Variants in VPS37A observed in about 807,000 individuals in gnomAD.
The protein encoded by VPS37A is VPS37A subunit of ESCRT-I.
A neutral mutation model predicts 49.8 loss-of-function variants in VPS37A; 30 were observed. The observed-to-expected ratio is 0.60, with a 90% CI of 0.45 to 0.82. The LOEUF (loss-of-function observed/expected upper bound fraction) is 0.82, where lower values mean the gene tolerates loss of function less well. VPS37A is among the 40% of genes least tolerant of loss of function. The pLI is 0.00. For synonymous variants in VPS37A, 195 were observed against 160.6 expected (o/e 1.21, Z -1.62); for missense variants, 593 against 464.4 (o/e 1.28, Z -2.55).
chr8:17,333,061 TG>T, the VPS37A span, among the ~76,000 whole-genome samples: 6 of 152,094 alleles, frequency 3.9e-5, no homozygotes, highest in African/African-American at 1.4e-4. Context: ...GATAAGCCAT[TG>T]CCATAGGAGC....
rs148452954 is a variant in VPS37A, at chr8:17,263,577, G to A, written c.126-2330G>A. Among the ~76,000 whole-genome samples the A allele has an allele frequency of 2.6e-5, 4 of 152,116 alleles. No individual in the cohort carries two copies. The East Asian group carries it at 7.7e-4, about 29-fold the overall frequency. The stretch of plus-strand genomic sequence containing the variant: ...CAGTATAACTGGAGAAAATGAATTG[G>A]ACATTTCTAACCAATTATTTAGATA... On this transcript the variant is annotated intron_variant, in intron 1 of 11. Coordinates refer to ENST00000324849, the MANE Select transcript of VPS37A (RefSeq NM_152415.3).
chr8:17,299,062 C>G (rs543974075), downstream of VPS37A: 3 of 152,248 alleles, frequency 2.0e-5, no homozygotes. Flanking sequence ...CCCACACTGT[C>G]GGTAGTGTAG....
chr8:17,247,111 GA>G lies in VPS37A; in HGVS notation c.-132del, dbSNP rs1811290000. 1 of 1,202,726 alleles carries G rather than the reference GA, an allele frequency of 8.3e-7. No homozygotes were observed. The highest frequency in any genetic ancestry group is 2.3e-5 in the Admixed American group (1 of 44,434). The allele number at this position is 1,202,726 out of a possible 1,614,324, so 74.5% of individuals were successfully genotyped here. A position where few individuals can be genotyped will look rare whatever the true frequency, so the allele number is the denominator to read the frequency against. On this transcript the variant is annotated 5_prime_UTR_variant, in exon 1 of 12. Transcript: ENST00000324849. ...GGAGCGCAGGCAGGACAGGCTTAGA[GA>G]AGACGCGGTCCCCAGCGCTTGGGCC...
At chr8:17,309,081 C>T in the VPS37A span, among the ~76,000 whole-genome samples, 5 of 152,186 alleles carry the variant, frequency 3.3e-5, no homozygotes, top group African/African-American at 1.2e-4. Flanking sequence ...TTAGTTAGTT[C>T]TGCCCAACTG....
At chr8:17,278,499 C>G (rs1814738059) in intron 6 of VPS37A, among the ~76,000 whole-genome samples, 1 of 152,022 alleles carries the variant, frequency 6.6e-6, no homozygotes, top group Non-Finnish European at 1.5e-5. Context: ...CTATCTGTCT[C>G]CAAAAGTTGC....
Position 17,297,252 on chromosome 8 carries a change from A to AAAAT in VPS37A, c.*2268_*2271dup, listed in dbSNP as rs1455865626. On this transcript the variant is annotated 3_prime_UTR_variant, in exon 12 of 12. Transcript: ENST00000324849. ...GTAGAGATTTAAAGGTTAATATCTT[A>AAAAT]AAATAGAAGAAAATTCTAAATCAAT... 6.6e-6 allele frequency: 1 copy of AAAAT among 152,162 alleles called. No individual in the cohort carries two copies. The highest frequency in any genetic ancestry group is 1.9e-4 in the East Asian group (1 of 5,196). The allele number at this position is 152,162 out of a possible 1,614,324, so 9.4% of individuals were successfully genotyped here.
intron 1 of VPS37A, among the ~76,000 whole-genome samples, chr8:17,264,974 C>T (rs1450256298): frequency 6.6e-6 from 1 of 152,042 alleles, no homozygotes; most frequent in Non-Finnish European, 1.5e-5. Context: ...ACTTAGAAGC[C>T]AAGAATTATA....
At chr8:17,305,948 A>T (rs759688916), downstream of VPS37A, 1 of 1,612,740 alleles carries the variant, frequency 6.2e-7, no homozygotes, top group South Asian at 1.1e-5. Flanking sequence ...CACCATCTAG[A>T]TTGCCATATC....
At chr8:17,278,112 A>G (rs899815117) in intron 6 of VPS37A, among the ~76,000 whole-genome samples, 2 of 151,912 alleles carry the variant, frequency 1.3e-5, no homozygotes, top group African/African-American at 4.8e-5. Context: ...TGTTTCCCAT[A>G]GTTTATGCTG....
chr8:17,286,234 C>G (rs1299511320), intron 10 of VPS37A, 113 bp from the exon 11 acceptor site: 8 of 814,558 alleles, frequency 9.8e-6, no homozygotes, highest in African/African-American at 1.7e-5. Context: ...CTTCAACATT[C>G]AAAACATAAA....
downstream of VPS37A, chr8:17,302,063 G>C: frequency 6.6e-7 from 1 of 1,519,640 alleles, no homozygotes; most frequent in Non-Finnish European, 9.1e-7. Context: ...TGAAATATTT[G>C]TATTGCACTG....
chr8:17,263,395 G>T (rs1329655851), intron 1 of VPS37A, among the ~76,000 whole-genome samples: 1 of 152,066 alleles, frequency 6.6e-6, no homozygotes, highest in African/African-American at 2.4e-5. Context: ...GTTGTTTAAT[G>T]CAGCTAATCA....
downstream of VPS37A, among the ~76,000 whole-genome samples, chr8:17,306,481 G>A (rs191494131): frequency 5.3e-5 from 8 of 151,926 alleles, no homozygotes; most frequent in East Asian, 1.9e-4. Context: ...TCCATGTGAC[G>A]ACAGATTCCA....
chr8:17,280,626 T>C (rs1211723647), intron 9 of VPS37A, among the ~76,000 whole-genome samples, 183 bp downstream of exon 9: 4 of 151,976 alleles, frequency 2.6e-5, no homozygotes, highest in Non-Finnish European at 5.9e-5. Flanking sequence ...TTATTTGTGC[T>C]CATATAAGAG....
At chr8:17,266,105 G>A (rs1813422144) in intron 2 of VPS37A, 124 bp downstream of exon 2, 11 of 810,212 alleles carry the variant, frequency 1.4e-5, no homozygotes, top group Non-Finnish European at 2.1e-5. Context: ...TTATAAAATA[G>A]TGCACAATTC....
Position 17,296,589 on chromosome 8 carries a change from G to T in VPS37A, c.*1603G>T, listed in dbSNP as rs1193595232. The T allele has an allele frequency of 6.6e-6, 1 of 152,028 alleles. No individual in the cohort carries two copies. The highest frequency in any genetic ancestry group is 2.4e-5 in the African/African-American group (1 of 41,370). 9.4% of individuals were successfully genotyped at this position (152,028 alleles called of 1,614,324 possible). On this transcript the variant is annotated 3_prime_UTR_variant, in exon 12 of 12. Transcript: ENST00000324849. ...CCAGGTAGGTGTATCCCATAACAAGGGAGGAGCATACCACAGCCCCTCATT... is the reference window on the plus strand; with the variant it reads ...CCAGGTAGGTGTATCCCATAACAAGTGAGGAGCATACCACAGCCCCTCATT...
chr8:17,327,187 A>G, the VPS37A span, among the ~76,000 whole-genome samples: 1 of 152,226 alleles, frequency 6.6e-6, no homozygotes, highest in Non-Finnish European at 1.5e-5. Context: ...AAAATTAATC[A>G]GTCTACTACT....
the VPS37A span, among the ~76,000 whole-genome samples, chr8:17,307,832 A>T: frequency 2.0e-5 from 3 of 151,896 alleles, no homozygotes; most frequent in African/African-American, 7.3e-5. Flanking sequence ...GTGGGAACTG[A>T]ACAATGAGAA....
chr8:17,270,415 G>T (rs1354176735), intron 4 of VPS37A, among the ~76,000 whole-genome samples: 1 of 152,172 alleles, frequency 6.6e-6, no homozygotes, highest in Non-Finnish European at 1.5e-5. Flanking sequence ...TTAGACTTCA[G>T]TGCTGATACA....
Sources: gnomAD v4.1 joint callset for allele counts (sites outside exome capture counted in the v4.1 genomes callset) on GRCh38, gnomAD v4.1.1 for gene constraint, MANE v1.5 for transcripts, NCBI Gene and HGNC (gene_info 2026-07-23, HGNC 2026-07-21) for gene names.